The following DNER variants were observed in gnomAD, a reference collection of about 807,000 sequenced individuals.
DNER encodes the protein delta and Notch-like epidermal growth factor-related receptor.
In DNER, 33 loss-of-function variants were observed where a neutral mutation model predicts 78.2. That is an observed-to-expected ratio of 0.42 (90% confidence interval 0.32 to 0.56). The LOEUF is 0.56. Among genes scored for constraint, DNER ranks in the 20% least tolerant of loss-of-function variants. The probability of loss-of-function intolerance (pLI) is 0.11; values close to 1 mark genes in which losing one functional copy is unlikely to be tolerated. For synonymous variants in DNER, 417 were observed against 384.8 expected (o/e 1.08, Z -0.98); for missense variants, 918 against 975.3 (o/e 0.94, Z 0.78).
intron 5 of DNER, among the ~76,000 whole-genome samples, chr2:229,517,519 G>A (rs1233254724): frequency 1.3e-5 from 2 of 152,206 alleles, no homozygotes; most frequent in African/African-American, 2.4e-5. Context: ...TTCCAGGTGA[G>A]GGGAACAGCC....
At chr2:229,519,181 A>C (rs1696043715) in intron 5 of DNER, among the ~76,000 whole-genome samples, 1 of 152,062 alleles carries the variant, frequency 6.6e-6, no homozygotes, top group South Asian at 2.1e-4. Context: ...CTAACCCCCT[A>C]ACACAGCACT....
intron 10 of DNER, among the ~76,000 whole-genome samples, chr2:229,397,701 A>G (rs1693179006): frequency 6.6e-6 from 1 of 152,220 alleles, no homozygotes; most frequent in South Asian, 2.1e-4. Context: ...AAATCAAACT[A>G]GATATCTATG....
Position 229,642,616 on chromosome 2 carries a change from G to A in DNER, c.277-50728C>T, listed in dbSNP as rs144359110. Among the ~76,000 whole-genome samples, 309 of 152,304 alleles carry A rather than the reference G, an allele frequency of 2.0e-3. 4 individuals carry two copies. The highest frequency in any genetic ancestry group is 3.3e-3 in the Non-Finnish European group (222 of 68,022). On this transcript the variant is annotated intron_variant, in intron 1 of 12. Transcript: ENST00000341772. ...CCTTCCCTGAAGCCAGGTGAGTCAC[G>A]GAAGTGGCAGGGCCTTGAGTGAGCC... is the stretch of plus-strand genomic sequence containing the variant.
intron 7 of DNER, among the ~76,000 whole-genome samples, chr2:229,470,745 G>C (rs1694908857): frequency 6.6e-6 from 1 of 152,122 alleles, no homozygotes; most frequent in Non-Finnish European, 1.5e-5. Context: ...AGCTATTCGG[G>C]AGGCTGAAGC....
chr2:229,605,381 A>G (rs1301539719), intron 1 of DNER, among the ~76,000 whole-genome samples: 1 of 152,332 alleles, frequency 6.6e-6, no homozygotes, highest in South Asian at 2.1e-4. Flanking sequence ...GTATAATTGT[A>G]TCTAATGAAG....
chr2:229,558,408 G>T (rs1696893057), intron 4 of DNER, among the ~76,000 whole-genome samples: 1 of 152,008 alleles, frequency 6.6e-6, no homozygotes, highest in Non-Finnish European at 1.5e-5. Context: ...GAAAATAAAG[G>T]CTTTCTGTCA....
intron 6 of DNER, among the ~76,000 whole-genome samples, chr2:229,512,375 T>C (rs915957615): frequency 1.2e-5 from 1 of 86,522 alleles, no homozygotes; most frequent in African/African-American, 4.3e-5. Flanking sequence ...AGTGAGACTC[T>C]GTCTCAAAAA....
rs116451536 is a variant in DNER at position 229,667,119 on chromosome 2, G to A, written c.276+47029C>T. Among the ~76,000 whole-genome samples the A allele has an allele frequency of 5.8e-3, 876 of 152,284 alleles. 5 individuals carry two copies. Among genetic ancestry groups the A allele is most frequent in the Non-Finnish European group, 9.1e-3 (621 of 68,020 alleles). ...ACTTTTCTTTTGCATCACAGACCTG[G>A]AAAAGACTCAGTGGGCAGGATTATC... On this transcript the variant is annotated intron_variant, in intron 1 of 12. Transcript: ENST00000341772.
At chr2:229,396,211 G>A (rs1392048568) in intron 10 of DNER, among the ~76,000 whole-genome samples, 1 of 152,072 alleles carries the variant, frequency 6.6e-6, no homozygotes, top group Non-Finnish European at 1.5e-5. Flanking sequence ...ATATAAAAGA[G>A]CTCTAATTAC....
chr2:229,392,716 T>C (rs1405374683), intron 10 of DNER, among the ~76,000 whole-genome samples: 1 of 152,138 alleles, frequency 6.6e-6, no homozygotes, highest in African/African-American at 2.4e-5. Flanking sequence ...ACCTTAGTAA[T>C]GGGGCACAAC....
chr2:229,547,715 AG>A (rs1696654353), intron 4 of DNER, among the ~76,000 whole-genome samples: 1 of 152,230 alleles, frequency 6.6e-6, no homozygotes, highest in Non-Finnish European at 1.5e-5. Context: ...TAAGCCATAC[AG>A]TTTTAGCCAT....
chr2:229,461,995 T>C (rs1694712537), intron 7 of DNER, among the ~76,000 whole-genome samples: 1 of 151,992 alleles, frequency 6.6e-6, no homozygotes, highest in African/African-American at 2.4e-5. Context: ...GATTAAAGAA[T>C]TACAATGGAA....
At chr2:229,469,159 T>C (rs532823320) in intron 7 of DNER, among the ~76,000 whole-genome samples, 94 of 152,324 alleles carry the variant, frequency 6.2e-4, no homozygotes, top group African/African-American at 2.2e-3. Flanking sequence ...CCAGATGCTT[T>C]AAGGGATACA....
intron 10 of DNER, among the ~76,000 whole-genome samples, chr2:229,400,509 G>A (rs1693244308): frequency 6.6e-6 from 1 of 151,926 alleles, no homozygotes; most frequent in African/African-American, 2.4e-5. Context: ...ATCTTGCAGT[G>A]CCAGAACGTA....
intron 5 of DNER, among the ~76,000 whole-genome samples, chr2:229,546,676 C>T (rs1026141615): frequency 5.3e-5 from 8 of 152,016 alleles, no homozygotes; most frequent in Non-Finnish European, 1.2e-4. Context: ...CCAGAGGTTG[C>T]GGTAAGCCGA....
chr2:229,374,798 A>T (rs927061713), intron 11 of DNER, among the ~76,000 whole-genome samples: 6 of 152,188 alleles, frequency 3.9e-5, no homozygotes, highest in African/African-American at 1.4e-4. Flanking sequence ...TTAAAAAAAA[A>T]AATTTAGAGA....
intron 1 of DNER, among the ~76,000 whole-genome samples, chr2:229,696,969 T>C (rs1699671836): frequency 6.6e-6 from 1 of 152,188 alleles, no homozygotes; most frequent in Non-Finnish European, 1.5e-5. Context: ...GGAATTACCA[T>C]ATAACCCAGT....
intron 1 of DNER, among the ~76,000 whole-genome samples, chr2:229,622,218 A>C (rs1315078346): frequency 2.0e-5 from 3 of 152,228 alleles, no homozygotes; most frequent in African/African-American, 7.2e-5. Flanking sequence ...ATTGAGTTTT[A>C]CCTGAGCCCT....
Position 229,658,341 on chromosome 2 carries a change from G to A in DNER, c.276+55807C>T, listed in dbSNP as rs574667244. ...ACTGGCATTGCTGGTCCTATTTACC[G>A]TGGTTGACGATGCAAGTTGCCCAAG... On this transcript the variant is annotated intron_variant, in intron 1 of 12. Transcript: ENST00000341772. 2.0e-5 allele frequency among the ~76,000 whole-genome samples: 3 copies of A among 152,302 alleles called. No homozygotes were observed. The South Asian group carries it at 6.2e-4, about 32-fold the overall frequency.
Sources: allele counts gnomAD v4.1 joint callset (sites outside exome capture counted in the v4.1 genomes callset), GRCh38; gene constraint gnomAD v4.1.1; transcripts MANE v1.5; gene names NCBI Gene and HGNC (gene_info 2026-07-23, HGNC 2026-07-21).